DEPDC4: variants seen among roughly 807,000 people sequenced by gnomAD.
DEPDC4 encodes the protein DEP domain containing 4, also known as DEP domain-containing protein 4.
In DEPDC4, 52 loss-of-function variants were observed where a neutral mutation model predicts 52.0. The observed-to-expected ratio is 1.00, with a 90% CI of 0.80 to 1.26. DEPDC4 has a LOEUF of 1.26. Among genes scored for constraint, DEPDC4 ranks in the 50% most tolerant of loss-of-function variants. The pLI is 0.00. For synonymous variants in DEPDC4, 201 were observed against 196.8 expected, an observed-to-expected ratio of 1.02 and a Z score of -0.18; for missense variants, 530 against 546.9, an observed-to-expected ratio of 0.97 and a Z score of 0.31.
At chr12:100,276,367 T>C in the DEPDC4 span, among the ~76,000 whole-genome samples, 1 of 152,182 alleles carries the variant, frequency 6.6e-6, no homozygotes, top group Non-Finnish European at 1.5e-5. Flanking sequence ...ATCCCACTCT[T>C]TGTCACGCAG....
the DEPDC4 span, among the ~76,000 whole-genome samples, chr12:100,272,482 G>A: frequency 6.6e-6 from 1 of 152,114 alleles, no homozygotes; most frequent in Admixed American, 6.6e-5. Context: ...CAAGGCCATA[G>A]TCTACCATAC....
chr12:100,266,750 A>C (rs1410521462), intron 1 of DEPDC4, among the ~76,000 whole-genome samples, 170 bp downstream of exon 1: 1 of 152,202 alleles, frequency 6.6e-6, no homozygotes, highest in African/African-American at 2.4e-5. Context: ...TAACCCCTAA[A>C]AAGCCTCAGT....
rs935398500 is a variant in DEPDC4 at position 100,254,692 on chromosome 12, CCTTT to C, written c.879-981_879-978del. On this transcript the variant is annotated intron_variant, in intron 4 of 9. Coordinates refer to ENST00000550587, the MANE Select transcript of DEPDC4 (RefSeq NM_001364818.2). ...CTCTACCTCCCTCTCTCCTTTCCTT[CCTTT>C]CTTTCTCCCTCCCTCCTTCCCTCTC... is the stretch of plus-strand genomic sequence containing the variant. 8.6e-5 allele frequency among the ~76,000 whole-genome samples: 13 copies of C among 152,000 alleles called. 1 individual carries two copies. The highest frequency in any genetic ancestry group is 6.8e-3 in the Middle Eastern group (2 of 294).
intron 8 of DEPDC4, among the ~76,000 whole-genome samples, chr12:100,244,035 C>T (rs1409091082): frequency 2.1e-5 from 3 of 142,920 alleles, no homozygotes; most frequent in Non-Finnish European, 4.5e-5. Flanking sequence ...AAGTTTTATC[C>T]TTGAACCTTT....
chr12:100,262,369 T>C lies in DEPDC4; in HGVS notation c.595A>G (p.Ile199Val). The change falls in exon 3 of 10, where the codon ATT (isoleucine) becomes GTT (valine). Residue 199 changes from isoleucine (I) to valine (V), a missense_variant. By Grantham distance (29) the Ile-to-Val change is conservative. Transcript: ENST00000550587. The part of the protein sequence containing the change: ...EMISNPLAQE[I>V]GEERIEELIH... The stretch of plus-strand genomic sequence containing the variant: ...AGTTCCTCAATTCTTTCCTCACCAA[T>C]CTCCTGTGCTAGAGGATTTGAAATC... 1 of 1,612,850 alleles carries C rather than the reference T, an allele frequency of 6.2e-7. No homozygotes were observed. Among genetic ancestry groups the C allele is most frequent in the South Asian group, 1.1e-5 (1 of 90,810 alleles).
intron 3 of DEPDC4, 131 bp downstream of exon 3, chr12:100,262,133 A>AAG (rs2096255632): frequency 1.2e-6 from 1 of 821,584 alleles, no homozygotes; most frequent in Non-Finnish European, 1.8e-6. Context: ...GTGTGAGTGG[A>AAG]AGCAAGGGGT....
At chr12:100,255,096 A>G (rs577100111) in intron 4 of DEPDC4, among the ~76,000 whole-genome samples, 2 of 152,218 alleles carry the variant, frequency 1.3e-5, no homozygotes, top group South Asian at 4.1e-4. Flanking sequence ...TGTCTTCTAG[A>G]TCCTAGTATT....
the DEPDC4 span, among the ~76,000 whole-genome samples, chr12:100,275,142 T>G: frequency 6.6e-6 from 1 of 152,226 alleles, no homozygotes; most frequent in Non-Finnish European, 1.5e-5. Context: ...TTTCATACCC[T>G]TGAAACAGTA....
chr12:100,254,174 G>A (rs1243185313), intron 4 of DEPDC4, among the ~76,000 whole-genome samples: 1 of 151,830 alleles, frequency 6.6e-6, no homozygotes, highest in East Asian at 1.9e-4. Flanking sequence ...TTAGGGTCCT[G>A]TCACTCCCCT....
chr12:100,236,695 A>G (rs1468517319), downstream of DEPDC4, among the ~76,000 whole-genome samples: 1 of 151,952 alleles, frequency 6.6e-6, no homozygotes, highest in Admixed American at 6.6e-5. Flanking sequence ...ATTAAGTCCC[A>G]CCTATTTATC....
At chr12:100,265,743 T>A (rs1337814887) in intron 1 of DEPDC4, among the ~76,000 whole-genome samples, 3 of 152,220 alleles carry the variant, frequency 2.0e-5, no homozygotes, top group African/African-American at 7.2e-5. Context: ...AAAAATTTTT[T>A]AAAAATGAGC....
chr12:100,252,505 T>G lies in DEPDC4; in HGVS notation c.1137A>C (p.Ala379=), dbSNP rs1303738870. Residue 379 remains alanine (A), a synonymous_variant, in exon 6 of 10, where the codon GCA becomes GCC. Transcript: ENST00000550587. ...ACAGCAATCTTAGATATAGTTGTGT[T>G]GCTTCAAGTGCTTCTGCTCTTTTCT... The part of the protein sequence containing the change: ...ENEKRAEALE[A]TQLYLRLLLL... 2 of 1,606,328 alleles carry G rather than the reference T, an allele frequency of 1.2e-6. No homozygotes were observed. Among genetic ancestry groups the G allele is most frequent in the Non-Finnish European group, 1.7e-6 (2 of 1,178,652 alleles).
chr12:100,274,718 T>C, the DEPDC4 span, among the ~76,000 whole-genome samples: 1 of 152,214 alleles, frequency 6.6e-6, no homozygotes, highest in Non-Finnish European at 1.5e-5. Flanking sequence ...GAAAAAATTG[T>C]GAACAAAGAA....
the DEPDC4 span, among the ~76,000 whole-genome samples, chr12:100,280,386 A>G: frequency 1.3e-5 from 2 of 152,202 alleles, no homozygotes; most frequent in African/African-American, 4.8e-5. Context: ...ATGGGGGCCT[A>G]ATAATACCTC....
At position 100,267,030 on chromosome 12, in the gene DEPDC4, A is replaced by C. The variant is rs774344054; in HGVS notation, c.47T>G (p.Leu16Trp). Residue 16 changes from leucine to tryptophan, a missense_variant, in exon 1 of 10, where the codon TTG becomes TGG. Physicochemically the swap from Leu to Trp is moderately conservative, Grantham distance 61. Coordinates refer to ENST00000550587, the MANE Select transcript of DEPDC4 (RefSeq NM_001364818.2). Reference sequence around the variant, plus strand: ...GACAAGTCTACGGAACCTCGGAGTCAAAAGAACCGCCATAAGCTCGCGCGC... The same window carrying C: ...GACAAGTCTACGGAACCTCGGAGTCCAAAGAACCGCCATAAGCTCGCGCGC... ...EPARELMAVL[L>W]TPRFRRLVSQ... The C allele has an allele frequency of 6.2e-7, 1 of 1,613,892 alleles. No homozygotes were observed. Among genetic ancestry groups the C allele is most frequent in the Non-Finnish European group, 8.5e-7 (1 of 1,179,954 alleles).
chr12:100,275,789 T>G, the DEPDC4 span, among the ~76,000 whole-genome samples: 1 of 152,240 alleles, frequency 6.6e-6, no homozygotes, highest in Non-Finnish European at 1.5e-5. Context: ...GTATTTTATC[T>G]TTAAATATAA....
the DEPDC4 span, among the ~76,000 whole-genome samples, chr12:100,275,140 C>T: frequency 6.6e-6 from 1 of 151,614 alleles, no homozygotes; most frequent in East Asian, 1.9e-4. Flanking sequence ...TATTTCATAC[C>T]CTTGAAACAG....
Position 100,266,666 on chromosome 12 carries a change from C to T in DEPDC4, c.157+254G>A, listed in dbSNP as rs963894211. Reference sequence around the variant, plus strand: ...ATCAGAATTTGCACTTTCACAAGATCCTAGGGATTCGTATGTATATTAAAG... The same window carrying T: ...ATCAGAATTTGCACTTTCACAAGATTCTAGGGATTCGTATGTATATTAAAG... On this transcript the variant is annotated intron_variant, in intron 1 of 9. Coordinates refer to ENST00000550587, the MANE Select transcript of DEPDC4 (RefSeq NM_001364818.2). 2.6e-4 allele frequency among the ~76,000 whole-genome samples: 39 copies of T among 152,292 alleles called. 1 individual carries two copies. Among genetic ancestry groups the T allele is most frequent in the African/African-American group, 8.9e-4 (37 of 41,562 alleles).
At chr12:100,234,656 A>G (rs2096138800) in intron 9 of DEPDC4, among the ~76,000 whole-genome samples, 2 of 152,150 alleles carry the variant, frequency 1.3e-5, no homozygotes, top group Admixed American at 1.3e-4. Flanking sequence ...GAGACCGAAT[A>G]ATCTAAGAAG....
Sources: allele counts gnomAD v4.1 joint callset (sites outside exome capture counted in the v4.1 genomes callset), GRCh38; gene constraint gnomAD v4.1.1; transcripts MANE v1.5; gene names NCBI Gene and HGNC (gene_info 2026-07-23, HGNC 2026-07-21).